The following GFOD1 variants were observed in gnomAD, a reference collection of about 807,000 sequenced individuals.
GFOD1 encodes the protein glucose-fructose oxidoreductase domain-containing protein 1.
GFOD1 carries 9 observed loss-of-function variants against 25.4 expected under a neutral mutation model. The ratio of observed to expected loss-of-function variants is 0.35; its 90% CI spans 0.21 to 0.62. The LOEUF is 0.62. Among genes scored for constraint, GFOD1 ranks in the 20% least tolerant of loss-of-function variants. GFOD1 has a pLI of 0.72. For missense variants in GFOD1, 403 were observed against 556.9 expected, an observed-to-expected ratio of 0.72 and a Z score of 2.78; for synonymous variants, 253 against 245.6, an observed-to-expected ratio of 1.03 and a Z score of -0.28.
intron 1 of GFOD1, among the ~76,000 whole-genome samples, chr6:13,437,148 G>A (rs1211718445): frequency 6.6e-6 from 1 of 152,158 alleles, no homozygotes; most frequent in African/African-American, 2.4e-5. Flanking sequence ...GAAAAGTCAG[G>A]AAGTTCTACC....
intron 1 of GFOD1, among the ~76,000 whole-genome samples, chr6:13,407,324 C>T (rs1429825533): frequency 1.3e-5 from 2 of 152,176 alleles, no homozygotes; most frequent in African/African-American, 4.8e-5. Flanking sequence ...GATGACCCCA[C>T]CATTTGGCTT....
chr6:13,402,907 G>C (rs1030882974), intron 1 of GFOD1, among the ~76,000 whole-genome samples: 2 of 152,140 alleles, frequency 1.3e-5, no homozygotes, highest in Non-Finnish European at 2.9e-5. Flanking sequence ...GTTCACCATA[G>C]CCAAAAGGTG....
At chr6:13,367,529 T>G (rs1461852762) in intron 1 of GFOD1, among the ~76,000 whole-genome samples, 1 of 152,148 alleles carries the variant, frequency 6.6e-6, no homozygotes, top group Non-Finnish European at 1.5e-5. Flanking sequence ...TCAGGCCAAA[T>G]AAGATTTAGT....
chr6:13,394,466 A>T (rs1330955411), intron 1 of GFOD1, among the ~76,000 whole-genome samples: 13 of 75,912 alleles, frequency 1.7e-4, no homozygotes, highest in South Asian at 1.2e-3. Flanking sequence ...TACCCTTTGA[A>T]TTTTTTTTTT....
At chr6:13,479,461 C>T (rs917514039) in intron 1 of GFOD1, among the ~76,000 whole-genome samples, 3 of 152,156 alleles carry the variant, frequency 2.0e-5, no homozygotes, top group African/African-American at 7.2e-5. Flanking sequence ...TGTTATGAAG[C>T]ACAACATCTT....
chr6:13,368,742 G>T (rs1275693174), intron 1 of GFOD1, among the ~76,000 whole-genome samples: 1 of 151,734 alleles, frequency 6.6e-6, no homozygotes, highest in Non-Finnish European at 1.5e-5. Flanking sequence ...AATAAAAGAA[G>T]AATAATTAGA....
chr6:13,469,428 G>A, intron 1 of GFOD1: 1 of 986,752 alleles, frequency 1.0e-6, no homozygotes, highest in Non-Finnish European at 1.2e-6. Context: ...CTCAGTTATG[G>A]AATTAGATGA....
chr6:13,428,762 TTCCC>T (rs1202708910), intron 1 of GFOD1, among the ~76,000 whole-genome samples: 2 of 152,098 alleles, frequency 1.3e-5, no homozygotes, highest in African/African-American at 4.8e-5. Context: ...ACTCTCAAAC[TTCCC>T]TCCCCAAACA....
At chr6:13,388,984 A>G (rs191708548) in intron 1 of GFOD1, among the ~76,000 whole-genome samples, 236 of 152,384 alleles carry the variant, frequency 1.5e-3, no homozygotes, top group African/African-American at 5.3e-3. Context: ...AAAAGAAGAC[A>G]TTAATGCAGC....
chr6:13,425,785 T>C (rs1329880944), intron 1 of GFOD1, among the ~76,000 whole-genome samples: 1 of 151,326 alleles, frequency 6.6e-6, no homozygotes, highest in Non-Finnish European at 1.5e-5. Flanking sequence ...GGGTGTCCAA[T>C]CTTTTGGCTT....
At chr6:13,391,627 G>C (rs1029653449) in intron 1 of GFOD1, among the ~76,000 whole-genome samples, 1 of 151,098 alleles carries the variant, frequency 6.6e-6, no homozygotes, top group Admixed American at 6.6e-5. Context: ...TTTTCAAAAA[G>C]AGAAAAGAAA....
chr6:13,439,884 G>A (rs1203993708), intron 1 of GFOD1, among the ~76,000 whole-genome samples: 1 of 152,166 alleles, frequency 6.6e-6, no homozygotes, highest in Non-Finnish European at 1.5e-5. Flanking sequence ...CTAGGATACA[G>A]CCTGGGCATC....
chr6:13,468,616 T>A (rs1007955681), intron 1 of GFOD1, among the ~76,000 whole-genome samples: 1 of 152,242 alleles, frequency 6.6e-6, no homozygotes, highest in African/African-American at 2.4e-5. Flanking sequence ...CTCGGTTTGG[T>A]CCTGACTTAG....
In GFOD1 at chr6:13,365,849, A is replaced by C. The variant is rs1045438693; in HGVS notation, c.254-187T>G. ...GCCTTGAGCCCAGGAGTTGGAGGCC[A>C]GCCTGGGTAACACAGAGAGATCCTG... On this transcript the variant is annotated intron_variant, in intron 1 of 1. Coordinates refer to ENST00000379287, the MANE Select transcript of GFOD1 (RefSeq NM_018988.4). The surrounding 1 kb of genome is among the most constrained non-coding windows in gnomAD (Gnocchi z 9.2). Among the ~76,000 whole-genome samples, 1 of 150,296 alleles carries C rather than the reference A, an allele frequency of 6.7e-6. No homozygotes were observed. Among genetic ancestry groups the C allele is most frequent in the Admixed American group, 6.6e-5 (1 of 15,066 alleles).
chr6:13,419,275 C>G (rs562227350), intron 1 of GFOD1, among the ~76,000 whole-genome samples: 4 of 152,302 alleles, frequency 2.6e-5, no homozygotes, highest in Admixed American at 6.5e-5. Flanking sequence ...AAAGAGGGAA[C>G]AGACTATTTT....
At chr6:13,370,055 A>G (rs1785119764) in intron 1 of GFOD1, among the ~76,000 whole-genome samples, 2 of 152,198 alleles carry the variant, frequency 1.3e-5, no homozygotes, top group South Asian at 4.1e-4. Context: ...CCTTTGAAGG[A>G]CAGCACTCAC....
rs529586456 is a variant in GFOD1 at position 13,460,171 on chromosome 6, C to T, written c.253+26467G>A. Among the ~76,000 whole-genome samples the T allele has an allele frequency of 9.9e-5, 15 of 152,082 alleles. No individual in the cohort carries two copies. In the South Asian group the frequency reaches 1.9e-3, roughly 19 times the overall value. On this transcript the variant is annotated intron_variant, in intron 1 of 1. Transcript: ENST00000379287. ...TAAAAAGTCAAGAAATAACAGATGC[C>T]GGCAAGGCTGTGGAGAAATAGGAAC...
intron 1 of GFOD1, among the ~76,000 whole-genome samples, chr6:13,466,700 G>A (rs1758385259): frequency 6.6e-6 from 1 of 152,138 alleles, no homozygotes; most frequent in Non-Finnish European, 1.5e-5. Flanking sequence ...TTGGTGCAGT[G>A]GACCACAACC....
chr6:13,439,363 GCAA>G (rs10590608), intron 1 of GFOD1, among the ~76,000 whole-genome samples: 9,216 of 152,248 alleles, frequency 0.061, 384 homozygotes, highest in African/African-American at 0.11. Flanking sequence ...ATGCTTCTCT[GCAA>G]CAACACCATA....
Sources: gnomAD v4.1 joint callset for allele counts (sites outside exome capture counted in the v4.1 genomes callset) on GRCh38, gnomAD v4.1.1 for gene constraint, Gnocchi (gnomAD v3.1) non-coding constraint, MANE v1.5 for transcripts, NCBI Gene and HGNC (gene_info 2026-07-23, HGNC 2026-07-21) for gene names.